The following CPN1 variants were observed in gnomAD, a reference collection of about 807,000 sequenced individuals.
CPN1 encodes carboxypeptidase N subunit 1, also known as carboxypeptidase N catalytic chain.
A neutral mutation model predicts 46.4 loss-of-function variants in CPN1; 37 were observed. That is an observed-to-expected ratio of 0.80 (90% CI 0.61 to 1.05). The LOEUF (loss-of-function observed/expected upper bound fraction) is 1.05, where lower values mean the gene tolerates loss of function less well. CPN1 is among the 50% of genes least tolerant of loss of function. The pLI is 0.00. For synonymous variants in CPN1, 224 were observed against 235.4 expected (o/e 0.95, Z 0.44); for missense variants, 563 against 602.6 (o/e 0.93, Z 0.69).
At chr10:100,077,579 C>A (rs1589480208) in intron 1 of CPN1, among the ~76,000 whole-genome samples, 1 of 152,162 alleles carries the variant, frequency 6.6e-6, no homozygotes, top group East Asian at 1.9e-4. Flanking sequence ...CCGGACCTGG[C>A]CTTAGCAGTG....
rs1564776919 is a variant in CPN1 at position 100,076,102 on chromosome 10, G to C, written c.229C>G (p.Pro77Ala). The C allele has an allele frequency of 1.2e-6, 2 of 1,614,146 alleles. No individual in the cohort carries two copies. Among genetic ancestry groups the C allele is most frequent in the Non-Finnish European group, 1.7e-6 (2 of 1,180,030 alleles). ...DHPGIHEPLE[P>A]EVKYVGNMHG... is the part of the protein sequence containing the mutation. ...ATGTTCCCCACATACTTGACCTCTGGTTCCACTGCAAGGAAGAGAAAAGAT... is the reference window on the plus strand; with the variant it reads ...ATGTTCCCCACATACTTGACCTCTGCTTCCACTGCAAGGAAGAGAAAAGAT... The change falls in exon 2 of 9, where the codon CCA becomes GCA. Residue 77 changes from proline to alanine, a missense_variant. Coordinates refer to ENST00000370418, the MANE Select transcript of CPN1 (RefSeq NM_001308.3).
rs1353077551 is a variant in CPN1 at position 100,049,105 on chromosome 10, C to T, written c.1112-229G>A. On this transcript the variant is annotated intron_variant, in intron 7 of 8. Coordinates refer to ENST00000370418, the MANE Select transcript of CPN1 (RefSeq NM_001308.3). The stretch of plus-strand genomic sequence containing the variant: ...TCCCAAGTAGCTGGGATTACAGGTG[C>T]GTGCCACCATGCTCAGCTAATTTTT... Among the ~76,000 whole-genome samples, 8 of 148,674 alleles carry T rather than the reference C, an allele frequency of 5.4e-5. 1 individual carries two copies. In the South Asian group the frequency reaches 8.6e-4, roughly 16 times the overall value.
chr10:100,078,875 C>T (rs1380904558), intron 1 of CPN1, among the ~76,000 whole-genome samples: 1 of 152,204 alleles, frequency 6.6e-6, no homozygotes, highest in Non-Finnish European at 1.5e-5. Flanking sequence ...GCCTGGTGTC[C>T]CCATCACATG....
At chr10:100,073,405 C>T (rs1315127527) in intron 2 of CPN1, among the ~76,000 whole-genome samples, 4 of 152,210 alleles carry the variant, frequency 2.6e-5, no homozygotes, top group Non-Finnish European at 5.9e-5. Context: ...AGGGGCTTCC[C>T]CTAACAGAAG....
intron 2 of CPN1, among the ~76,000 whole-genome samples, chr10:100,070,936 T>C (rs528844292): frequency 6.6e-6 from 1 of 152,332 alleles, no homozygotes; most frequent in South Asian, 2.1e-4. Context: ...CTCATTCCCA[T>C]TTACAGTCAC....
chr10:100,081,515 C>T lies in CPN1; in HGVS notation c.111G>A (p.Lys37=), dbSNP rs771355307. 3.7e-6 allele frequency: 6 copies of T among 1,614,046 alleles called. No homozygotes were observed. The East Asian group carries it at 6.7e-5, about 18-fold the overall frequency. Residue 37 remains lysine (K), a synonymous_variant, in exon 1 of 9, where the codon AAG becomes AAA. Transcript: ENST00000370418. ...RYDDLVRTLY[K]VQNECPGITR... The stretch of plus-strand genomic sequence containing the variant: ...TGATGCCGGGGCATTCGTTTTGCAC[C>T]TTGTACAGCGTCCGCACAAGATCAT...
chr10:100,052,723 T>A (rs2041363208), intron 7 of CPN1, among the ~76,000 whole-genome samples: 1 of 151,542 alleles, frequency 6.6e-6, no homozygotes, highest in Non-Finnish European at 1.5e-5. Flanking sequence ...AAATAAAAAA[T>A]AAAAAAATTA....
chr10:100,050,008 TGAG>T (rs1331785632), intron 7 of CPN1, among the ~76,000 whole-genome samples: 1 of 152,094 alleles, frequency 6.6e-6, no homozygotes, highest in Non-Finnish European at 1.5e-5. Flanking sequence ...GAAATAAGAA[TGAG>T]AAGTATGGGT....
intron 7 of CPN1, among the ~76,000 whole-genome samples, chr10:100,052,495 G>A (rs1023976271): frequency 1.3e-5 from 2 of 152,124 alleles, no homozygotes; most frequent in East Asian, 3.9e-4. Context: ...GAGATTACAA[G>A]CATGAGCCAC....
chr10:100,065,297 C>A lies in CPN1; in HGVS notation c.650G>T (p.Gly217Val). ...CGGGTAATTGGCCACCACCGCCCCT[C>A]CGTGGAGATTGGCTGAAAGAACAAA... ...FNFVLSANLH[G>V]GAVVANYPYD... The change falls in exon 4 of 9, where the codon GGA (glycine) becomes GTA (valine). Residue 217 changes from glycine to valine, a missense_variant. Physicochemically the swap from Gly to Val is moderately radical, Grantham distance 109. Coordinates refer to ENST00000370418, the MANE Select transcript of CPN1 (RefSeq NM_001308.3). The A allele has an allele frequency of 1.2e-6, 2 of 1,614,174 alleles. No homozygotes were observed. The highest frequency in any genetic ancestry group is 1.7e-6 in the Non-Finnish European group (2 of 1,180,030).
chr10:100,079,862 A>T (rs2041534307), intron 1 of CPN1, among the ~76,000 whole-genome samples: 1 of 152,206 alleles, frequency 6.6e-6, no homozygotes. Flanking sequence ...AGGCGGGTGG[A>T]TCACTTGAGG....
chr10:100,043,961 C>T (rs2041293909), intron 8 of CPN1, among the ~76,000 whole-genome samples: 1 of 152,092 alleles, frequency 6.6e-6, no homozygotes, highest in African/African-American at 2.4e-5. Context: ...TAGAACTATC[C>T]CAGGCTGAAG....
intron 8 of CPN1, among the ~76,000 whole-genome samples, chr10:100,046,307 C>G (rs2041311497): frequency 6.6e-6 from 1 of 152,180 alleles, no homozygotes; most frequent in Admixed American, 6.5e-5. Context: ...CAGATTTAGG[C>G]CGATCACAGT....
At chr10:100,076,214 T>A in intron 1 of CPN1, 107 bp from the exon 2 acceptor site, 1 of 1,067,622 alleles carries the variant, frequency 9.4e-7, no homozygotes, top group Non-Finnish European at 1.4e-6. Flanking sequence ...GAAAATCTCA[T>A]GCTTTCATTG....
At chr10:100,042,627 AG>A in intron 8 of CPN1, 54 bp from the exon 9 acceptor site, 1 of 1,610,982 alleles carries the variant, frequency 6.2e-7, no homozygotes, top group East Asian at 2.2e-5. Flanking sequence ...CTTTTGCCAT[AG>A]TTCCAGTTTC....
At chr10:100,052,954 T>C (rs2041364191) in intron 7 of CPN1, among the ~76,000 whole-genome samples, 1 of 152,060 alleles carries the variant, frequency 6.6e-6, no homozygotes, top group African/African-American at 2.4e-5. Flanking sequence ...TGAGACCCCA[T>C]CACCTTGCTA....
At chr10:100,043,367 C>A (rs1361963287) in intron 8 of CPN1, among the ~76,000 whole-genome samples, 3 of 151,560 alleles carry the variant, frequency 2.0e-5, no homozygotes, top group Non-Finnish European at 4.4e-5. Flanking sequence ...TGCACTCCAG[C>A]CTGGGTGACA....
In CPN1 at chr10:100,057,031, T is replaced by G. The variant is rs1324695192; in HGVS notation, c.993A>C (p.Leu331=). 2 of 1,614,170 alleles carry G rather than the reference T, an allele frequency of 1.2e-6. No homozygotes were observed. Among genetic ancestry groups the G allele is most frequent in the Non-Finnish European group, 1.7e-6 (2 of 1,180,020 alleles). The change falls in exon 6 of 9, where the codon CTA becomes CTC. Residue 331 remains leucine, a synonymous_variant. Coordinates refer to ENST00000370418, the MANE Select transcript of CPN1 (RefSeq NM_001308.3). The part of the protein sequence containing the change: ...QREWLGNREA[L]IQFLEQVHQG... ...ATTTTACCTGTTCCAGGAACTGGAT[T>G]AGGGCTTCCCGATTACCCAGCCACT...
At chr10:100,048,900 C>G in intron 7 of CPN1, 24 bp from the exon 8 acceptor site, 2 of 1,545,838 alleles carry the variant, frequency 1.3e-6, no homozygotes, top group Non-Finnish European at 1.8e-6. Flanking sequence ...AGATATAACT[C>G]AGTCTACTGA....
Sources: gnomAD v4.1 joint callset for allele counts (sites outside exome capture counted in the v4.1 genomes callset) on GRCh38, gnomAD v4.1.1 for gene constraint, MANE v1.5 for transcripts, NCBI Gene and HGNC (gene_info 2026-07-23, HGNC 2026-07-21) for gene names.